XAF1: variants seen among roughly 807,000 people sequenced by gnomAD.
XAF1 encodes the protein XIAP associated factor 1, also known as XIAP-associated factor 1.
In XAF1, 32 loss-of-function variants were observed where a neutral mutation model predicts 32.3. The ratio of observed to expected loss-of-function variants is 0.99; its 90% CI spans 0.75 to 1.33. The LOEUF is 1.33. Ranked by LOEUF, XAF1 falls within the 40% of genes most tolerant of loss-of-function variation. XAF1 has a pLI of 0.00. For synonymous variants in XAF1, 120 were observed against 125.9 expected, an observed-to-expected ratio of 0.95 and a Z score of 0.31; for missense variants, 379 against 366.0, an observed-to-expected ratio of 1.04 and a Z score of -0.29.
upstream of XAF1, chr17:6,755,590 A>T (rs1464343965): frequency 3.0e-6 from 3 of 1,006,804 alleles, no homozygotes; most frequent in African/African-American, 5.2e-5. Flanking sequence ...GCTGTTTGCA[A>T]GGTCCTCACC....
upstream of XAF1, chr17:6,755,954 G>A: frequency 6.3e-7 from 1 of 1,577,270 alleles, no homozygotes; most frequent in East Asian, 2.3e-5. Context: ...GGGAACTCCT[G>A]AGCCGAGAAT....
In XAF1 at chr17:6,756,078, C is replaced by T. The variant is rs1250749623; in HGVS notation, c.-1C>T. On this transcript the variant is annotated 5_prime_UTR_variant, in exon 1 of 7. Transcript: ENST00000361842. The stretch of plus-strand genomic sequence containing the variant: ...AACCGAAAGCCTGCAGAGAGCAGAA[C>T]ATGGAAGGAGACTTCTCGGTGTGCA... 1 of 1,613,966 alleles carries T rather than the reference C, an allele frequency of 6.2e-7. No individual in the cohort carries two copies. The highest frequency in any genetic ancestry group is 2.2e-5 in the East Asian group (1 of 44,874).
intron 6 of XAF1, chr17:6,772,047 C>G (rs1976071419): frequency 6.6e-6 from 1 of 152,170 alleles, no homozygotes; most frequent in African/African-American, 2.4e-5. Flanking sequence ...CTTAGTATGC[C>G]AAAACCTTTT....
chr17:6,756,101 G>T lies in XAF1; in HGVS notation c.23G>T (p.Cys8Phe). ...AACATGGAAGGAGACTTCTCGGTGT[G>T]CAGGAACTGGTAAGAAAGTGCTTTC... MEGDFSV[C>F]RNCKRHVVSA... Residue 8 changes from cysteine (C) to phenylalanine (F), a missense_variant, in exon 1 of 7, where the codon TGC becomes TTC. By Grantham distance (205) the Cys-to-Phe change is radical (BLOSUM62 -2). Transcript: ENST00000361842. 6.2e-7 allele frequency: 1 copy of T among 1,614,010 alleles called. No individual in the cohort carries two copies. The highest frequency in any genetic ancestry group is 8.5e-7 in the Non-Finnish European group (1 of 1,179,976).
chr17:6,769,978 T>C (rs1042830692), intron 5 of XAF1, among the ~76,000 whole-genome samples: 3 of 152,246 alleles, frequency 2.0e-5, no homozygotes, highest in South Asian at 4.1e-4. Context: ...TTTCCAGCTT[T>C]ATGCAGGATC....
At chr17:6,762,911 A>C (rs1330616195) in intron 5 of XAF1, among the ~76,000 whole-genome samples, 1 of 152,226 alleles carries the variant, frequency 6.6e-6, no homozygotes, top group East Asian at 1.9e-4. Flanking sequence ...AGTGCTTAAA[A>C]CTACAGAATA....
chr17:6,767,885 A>T (rs1382076562), intron 5 of XAF1, among the ~76,000 whole-genome samples: 1 of 152,194 alleles, frequency 6.6e-6, no homozygotes, highest in African/African-American at 2.4e-5. Context: ...TTAACATTTT[A>T]ATATAAATAC....
intron 4 of XAF1, among the ~76,000 whole-genome samples, chr17:6,761,079 G>C (rs961058550): frequency 2.0e-5 from 3 of 152,278 alleles, no homozygotes; most frequent in African/African-American, 7.2e-5. Flanking sequence ...ACTTGAACCC[G>C]GTAGGCGGAG....
chr17:6,765,863 C>A (rs1430960364), intron 5 of XAF1, among the ~76,000 whole-genome samples: 1 of 152,200 alleles, frequency 6.6e-6, no homozygotes, highest in Non-Finnish European at 1.5e-5. Context: ...CTCCTCTGTT[C>A]AGATCTCTGT....
chr17:6,760,114 C>A (rs554764695), intron 3 of XAF1, among the ~76,000 whole-genome samples: 1 of 152,270 alleles, frequency 6.6e-6, no homozygotes, highest in Non-Finnish European at 1.5e-5. Flanking sequence ...CTTTGGGAGG[C>A]CAAGGCGGGT....
chr17:6,765,634 C>T (rs961600666), intron 5 of XAF1, among the ~76,000 whole-genome samples: 1 of 152,132 alleles, frequency 6.6e-6, no homozygotes, highest in African/African-American at 2.4e-5. Context: ...CAGTTGATGG[C>T]AACTCTATCT....
At chr17:6,759,605 T>A (rs1444817390) in intron 2 of XAF1, 57 bp from the exon 3 acceptor site, 1 of 1,606,266 alleles carries the variant, frequency 6.2e-7, no homozygotes, top group African/African-American at 1.3e-5. Flanking sequence ...GGGCAGGCCC[T>A]GGGTGCTGGG....
intron 5 of XAF1, among the ~76,000 whole-genome samples, chr17:6,765,874 A>G (rs984999918): frequency 6.6e-6 from 1 of 152,202 alleles, no homozygotes; most frequent in East Asian, 1.9e-4. Context: ...AGATCTCTGT[A>G]CTGATTCTTG....
At chr17:6,762,960 G>C (rs532113930) in intron 5 of XAF1, among the ~76,000 whole-genome samples, 1 of 152,152 alleles carries the variant, frequency 6.6e-6, no homozygotes, top group Non-Finnish European at 1.5e-5. Flanking sequence ...CCAGCTTTTC[G>C]CTCTTTTCTT....
rs755459370 is a variant in XAF1 at position 6,759,673 on chromosome 17, G to C, written c.180G>C (p.Thr60=). 1 of 1,613,266 alleles carries C rather than the reference G, an allele frequency of 6.2e-7. No homozygotes were observed. The highest frequency in any genetic ancestry group is 8.5e-7 in the Non-Finnish European group (1 of 1,179,992). Reference sequence around the variant, plus strand: ...GTGTGTGTGTTTAGGTTGGGTGTACGATGTGTCAGCAGAGCATGCAGAAGT... The same window carrying C: ...GTGTGTGTGTTTAGGTTGGGTGTACCATGTGTCAGCAGAGCATGCAGAAGT... ...CKLEHQQVGC[T]MCQQSMQKSS... Residue 60 remains threonine, a synonymous_variant, in exon 3 of 7, where the codon ACG becomes ACC. Coordinates refer to ENST00000361842, the MANE Select transcript of XAF1 (RefSeq NM_017523.5).
chr17:6,772,465 C>CTTTTTTTTTT (rs71383425), intron 6 of XAF1, among the ~76,000 whole-genome samples: 5 of 94,186 alleles, frequency 5.3e-5, no homozygotes, highest in Non-Finnish European at 8.1e-5. Flanking sequence ...AAGCTGCCAT[C>CTTTTTTTTTT]TTTTTTTTTT....
intron 5 of XAF1, among the ~76,000 whole-genome samples, chr17:6,765,196 A>G (rs981519775): frequency 6.6e-6 from 1 of 152,058 alleles, no homozygotes; most frequent in African/African-American, 2.4e-5. Context: ...GGAGGATCAC[A>G]AGGTCAGGAG....
At position 6,773,334 on chromosome 17, in the gene XAF1, A is replaced by G. The variant is rs1332849097; in HGVS notation, c.*165A>G. The G allele has an allele frequency of 1.1e-5, 6 of 560,326 alleles. No homozygotes were observed. The highest frequency in any genetic ancestry group is 2.0e-5 in the African/African-American group (1 of 50,440). 34.7% of individuals were successfully genotyped at this position (560,326 alleles called of 1,614,324 possible). A position where few individuals can be genotyped will look rare whatever the true frequency, so the allele number is the denominator to read the frequency against. The stretch of plus-strand genomic sequence containing the variant: ...AAAACAAAACTCACGTATCATCTCA[A>G]TAGATACAGAAAAGGCTTTTGATAA... On this transcript the variant is annotated 3_prime_UTR_variant, in exon 7 of 7. Coordinates refer to ENST00000361842, the MANE Select transcript of XAF1 (RefSeq NM_017523.5).
At chr17:6,766,062 G>T (rs888680671) in intron 5 of XAF1, among the ~76,000 whole-genome samples, 1 of 151,962 alleles carries the variant, frequency 6.6e-6, no homozygotes, top group Non-Finnish European at 1.5e-5. Context: ...ACTGCCTCTG[G>T]CTGGAAGCTA....
Sources: gnomAD v4.1 joint callset for allele counts (sites outside exome capture counted in the v4.1 genomes callset) on GRCh38, gnomAD v4.1.1 for gene constraint, MANE v1.5 for transcripts, NCBI Gene and HGNC (gene_info 2026-07-23, HGNC 2026-07-21) for gene names.